The following CDIN1 variants were observed in gnomAD, a reference collection of about 807,000 sequenced individuals.
CDIN1 encodes the protein CDAN1-interacting nuclease 1.
In CDIN1, 33 loss-of-function variants were observed where a neutral mutation model predicts 45.3. The ratio of observed to expected loss-of-function variants is 0.73; its 90% CI spans 0.55 to 0.97. CDIN1 has a LOEUF of 0.97. CDIN1 is among the 50% of genes least tolerant of loss of function. The pLI is 0.00. For synonymous variants in CDIN1, 118 were observed against 124.4 expected, an observed-to-expected ratio of 0.95 and a Z score of 0.34; for missense variants, 303 against 339.4, an observed-to-expected ratio of 0.89 and a Z score of 0.84.
At chr15:36,691,030 A>G (rs2042229684) in intron 5 of CDIN1, 1 of 408,410 alleles carries the variant, frequency 2.4e-6, no homozygotes, top group Non-Finnish European at 4.7e-6. Context: ...GTTGAGGCAT[A>G]TTTTGGGTGG....
In CDIN1 at chr15:36,808,365, A is replaced by C. The variant is rs1199830799; in HGVS notation, c.758A>C (p.Gln253Pro). ...GTCATCTATTGGTATGGATTTATCC[A>C]GGAGCTGGACTGCAACCGGGAAAGG... ...GLVIYWYGFI[Q>P]ELDCNRERGI... The change falls in exon 11 of 11, where the codon CAG becomes CCG. Residue 253 changes from glutamine to proline, a missense_variant. Coordinates refer to ENST00000566621, the MANE Select transcript of CDIN1 (RefSeq NM_001321759.2). The C allele has an allele frequency of 1.9e-6, 3 of 1,613,668 alleles. No individual in the cohort carries two copies. Among genetic ancestry groups the C allele is most frequent in the Non-Finnish European group, 2.5e-6 (3 of 1,179,654 alleles).
chr15:36,794,445 A>G (rs2054737756), intron 10 of CDIN1, among the ~76,000 whole-genome samples: 1 of 152,158 alleles, frequency 6.6e-6, no homozygotes, highest in South Asian at 2.1e-4. Context: ...CTCATTAAAC[A>G]CTAATTTCTT....
intron 1 of CDIN1, among the ~76,000 whole-genome samples, chr15:36,624,486 T>C (rs1001921033): frequency 6.6e-6 from 1 of 152,246 alleles, no homozygotes; most frequent in Non-Finnish European, 1.5e-5. Flanking sequence ...CATATCATGA[T>C]GATGATGTTG....
At chr15:36,784,482 A>G (rs1378995702) in intron 10 of CDIN1, among the ~76,000 whole-genome samples, 1 of 152,240 alleles carries the variant, frequency 6.6e-6, no homozygotes, top group East Asian at 1.9e-4. Flanking sequence ...TAGACAATAT[A>G]AAAGTTTAAA....
chr15:36,738,236 A>AT (rs769261932), intron 10 of CDIN1, among the ~76,000 whole-genome samples: 34 of 152,146 alleles, frequency 2.2e-4, no homozygotes, highest in Admixed American at 1.2e-3. Context: ...GGACCCATAT[A>AT]TCCAGTTGCC....
chr15:36,702,316 A>G (rs1294264213), intron 8 of CDIN1, among the ~76,000 whole-genome samples: 1 of 152,148 alleles, frequency 6.6e-6, no homozygotes, highest in East Asian at 1.9e-4. Context: ...AGACTTTCTT[A>G]CTTACTCCCC....
At chr15:36,759,400 C>G (rs2053696940) in intron 10 of CDIN1, among the ~76,000 whole-genome samples, 2 of 152,118 alleles carry the variant, frequency 1.3e-5, no homozygotes, top group African/African-American at 4.8e-5. Flanking sequence ...GAGTCTTTCC[C>G]TGCATCAGCC....
chr15:36,779,939 A>G (rs2054308620), intron 10 of CDIN1, among the ~76,000 whole-genome samples: 1 of 152,076 alleles, frequency 6.6e-6, no homozygotes. Context: ...CTCGTTTATG[A>G]TGTGGTCATA....
At chr15:36,732,879 C>CA (rs939558837) in intron 10 of CDIN1, among the ~76,000 whole-genome samples, 66 of 151,934 alleles carry the variant, frequency 4.3e-4, no homozygotes, top group African/African-American at 1.5e-3. Context: ...AAAGTTTATT[C>CA]AAAAAATCAT....
At chr15:36,779,510 G>C (rs2054298362) in intron 10 of CDIN1, among the ~76,000 whole-genome samples, 2 of 152,314 alleles carry the variant, frequency 1.3e-5, no homozygotes, top group South Asian at 4.1e-4. Context: ...TGTTCAAAAT[G>C]TAGATTCCTG....
chr15:36,580,366 A>C (rs1257240187), intron 1 of CDIN1, among the ~76,000 whole-genome samples: 2 of 152,172 alleles, frequency 1.3e-5, no homozygotes, highest in African/African-American at 4.8e-5. Context: ...TGGCCGTTGG[A>C]AACAAACAAG....
chr15:36,775,318 G>A (rs1043696912), intron 10 of CDIN1, among the ~76,000 whole-genome samples: 1 of 152,194 alleles, frequency 6.6e-6, no homozygotes, highest in African/African-American at 2.4e-5. Context: ...CGATCATGTT[G>A]CATTTTAATT....
intron 1 of CDIN1, among the ~76,000 whole-genome samples, chr15:36,622,137 C>A (rs1294259366): frequency 6.6e-6 from 1 of 152,130 alleles, no homozygotes; most frequent in Non-Finnish European, 1.5e-5. Context: ...CATGGTGTCA[C>A]CTGCTTTTGA....
intron 4 of CDIN1, among the ~76,000 whole-genome samples, chr15:36,656,828 CT>C (rs1430486603): frequency 1.3e-5 from 2 of 152,054 alleles, no homozygotes; most frequent in Admixed American, 6.6e-5. Flanking sequence ...TGAAGCCAGC[CT>C]TTTTGTCTAG....
chr15:36,702,053 AT>A (rs2042664698), intron 8 of CDIN1: 1 of 702,194 alleles, frequency 1.4e-6, no homozygotes, highest in Non-Finnish European at 2.6e-6. Flanking sequence ...GAGATTTAGA[AT>A]ACCAAGACTG....
intron 5 of CDIN1, 32 bp downstream of exon 5, chr15:36,657,937 T>C: frequency 1.3e-5 from 20 of 1,535,378 alleles, no homozygotes; most frequent in Non-Finnish European, 1.8e-5. Context: ...ATGGTACTCT[T>C]TTACTCCCTT....
chr15:36,641,729 T>TTG (rs746500183), intron 1 of CDIN1: 1 of 152,114 alleles, frequency 6.6e-6, no homozygotes, highest in Non-Finnish European at 1.5e-5. Context: ...TTTGCCTTTT[T>TTG]TATGTGTGTA....
rs150790388 is a variant in CDIN1 at position 36,584,859 on chromosome 15, C to T, written c.101+4898C>T. 2.2e-3 allele frequency among the ~76,000 whole-genome samples: 328 copies of T among 152,308 alleles called. 1 individual carries two copies. The highest frequency in any genetic ancestry group is 7.5e-3 in the African/African-American group (310 of 41,574). Reference sequence around the variant, plus strand: ...ACAGACAGTGGCCCCAGCCAGGAAACAATTTTTAAAAATACTCATCAACTT... The same window carrying T: ...ACAGACAGTGGCCCCAGCCAGGAAATAATTTTTAAAAATACTCATCAACTT... On this transcript the variant is annotated intron_variant, in intron 1 of 10. Coordinates refer to ENST00000566621, the MANE Select transcript of CDIN1 (RefSeq NM_001321759.2).
chr15:36,718,812 C>CTTTTTTTTTTTTTTTT (rs3045909), intron 10 of CDIN1, among the ~76,000 whole-genome samples: 13 of 96,630 alleles, frequency 1.3e-4, no homozygotes, highest in Admixed American at 2.6e-4. Context: ...AATTTGTATG[C>CTTTTTTTTTTTTTTTT]TTTTTTTTTT....
Sources: allele counts gnomAD v4.1 joint callset (sites outside exome capture counted in the v4.1 genomes callset), GRCh38; gene constraint gnomAD v4.1.1; transcripts MANE v1.5; gene names NCBI Gene and HGNC (gene_info 2026-07-23, HGNC 2026-07-21).